PTPN12: variants seen among roughly 807,000 people sequenced by gnomAD.
PTPN12 encodes the protein tyrosine-protein phosphatase non-receptor type 12.
Under a neutral mutation model 97.6 loss-of-function variants are expected in PTPN12, and 29 were observed. The ratio of observed to expected loss-of-function variants is 0.30; its 90% CI spans 0.22 to 0.41. PTPN12 has a LOEUF of 0.41. PTPN12 is among the 10% of genes least tolerant of loss of function. The probability of loss-of-function intolerance (pLI) is 1.00; values close to 1 mark genes in which losing one functional copy is unlikely to be tolerated. For synonymous variants in PTPN12, 327 were observed against 300.4 expected (o/e 1.09, Z -0.91); for missense variants, 819 against 926.0 (o/e 0.88, Z 1.50).
At chr7:77,549,404 C>T (rs1807371279) in intron 1 of PTPN12, among the ~76,000 whole-genome samples, 1 of 152,136 alleles carries the variant, frequency 6.6e-6, no homozygotes, top group African/African-American at 2.4e-5. Flanking sequence ...TTCACATTTA[C>T]AGTTAGACAT....
intron 8 of PTPN12, among the ~76,000 whole-genome samples, chr7:77,603,298 C>T (rs1339407507): frequency 1.3e-5 from 2 of 152,150 alleles, no homozygotes; most frequent in Non-Finnish European, 2.9e-5. Context: ...GAAGGCTTTT[C>T]ATCAAAAACT....
chr7:77,625,563 C>CTTTTTTTTT (rs761274993), intron 12 of PTPN12, among the ~76,000 whole-genome samples: 4 of 27,784 alleles, frequency 1.4e-4, no homozygotes, highest in Admixed American at 6.3e-4. Flanking sequence ...CGCTCTCTCT[C>CTTTTTTTTT]TCTTTTTTTT....
chr7:77,554,502 G>C (rs768351562), intron 1 of PTPN12, among the ~76,000 whole-genome samples: 1 of 152,080 alleles, frequency 6.6e-6, no homozygotes, highest in East Asian at 1.9e-4. Flanking sequence ...CTGAATAAAC[G>C]TATCAGATCA....
intron 12 of PTPN12, among the ~76,000 whole-genome samples, chr7:77,622,008 G>T (rs1216544341): frequency 6.6e-6 from 1 of 152,150 alleles, no homozygotes; most frequent in Non-Finnish European, 1.5e-5. Flanking sequence ...TTTTGCGCAG[G>T]CTGGAGTGCA....
intron 12 of PTPN12, among the ~76,000 whole-genome samples, chr7:77,619,890 C>T (rs907571915): frequency 6.6e-6 from 1 of 152,148 alleles, no homozygotes; most frequent in Non-Finnish European, 1.5e-5. Context: ...GAGATGTTAA[C>T]TGTGTGCTAT....
At chr7:77,605,696 C>T (rs1433303964) in intron 8 of PTPN12, among the ~76,000 whole-genome samples, 1 of 151,834 alleles carries the variant, frequency 6.6e-6, no homozygotes, top group Non-Finnish European at 1.5e-5. Context: ...GTTGGGATTA[C>T]AGGCGTGAGC....
chr7:77,596,332 T>C (rs1788021649), intron 6 of PTPN12, among the ~76,000 whole-genome samples: 1 of 152,204 alleles, frequency 6.6e-6, no homozygotes. Context: ...TTTGTACATA[T>C]TGTTTGGGTC....
intron 8 of PTPN12, among the ~76,000 whole-genome samples, chr7:77,601,291 C>T (rs1386329405): frequency 2.6e-5 from 4 of 152,132 alleles, no homozygotes; most frequent in East Asian, 3.9e-4. Context: ...CCTGGCCTGA[C>T]GTGATCCTTC....
At chr7:77,590,618 T>C (rs1021923704) in intron 5 of PTPN12, among the ~76,000 whole-genome samples, 13 of 151,516 alleles carry the variant, frequency 8.6e-5, no homozygotes, top group African/African-American at 3.1e-4. Context: ...TTGAGTGCAG[T>C]GGCACAATCT....
At chr7:77,571,233 C>A in intron 2 of PTPN12, 47 bp downstream of exon 2, 2 of 1,121,486 alleles carry the variant, frequency 1.8e-6, no homozygotes, top group South Asian at 1.4e-5. Flanking sequence ...TGCTAATTAG[C>A]CTTTTGTAAC....
At chr7:77,566,379 A>G (rs1349449257) in intron 1 of PTPN12, among the ~76,000 whole-genome samples, 5 of 152,208 alleles carry the variant, frequency 3.3e-5, no homozygotes, top group South Asian at 2.1e-4. Context: ...TTAGAACAGT[A>G]ATAAAGGAGT....
intron 1 of PTPN12, among the ~76,000 whole-genome samples, chr7:77,569,916 T>A (rs753143200): frequency 1.3e-5 from 2 of 152,230 alleles, no homozygotes; most frequent in Non-Finnish European, 2.9e-5. Flanking sequence ...CTTGAACTCC[T>A]GGCTTCAAGC....
At chr7:77,538,757 C>T (rs966065797) in intron 1 of PTPN12, 1 of 150,846 alleles carries the variant, frequency 6.6e-6, no homozygotes, top group Non-Finnish European at 1.5e-5. Context: ...GGACAATGTT[C>T]CCTCTAGGGT....
chr7:77,571,962 C>G (rs935200575), intron 2 of PTPN12, among the ~76,000 whole-genome samples: 3 of 152,184 alleles, frequency 2.0e-5, no homozygotes, highest in Non-Finnish European at 4.4e-5. Flanking sequence ...GTCATACTTG[C>G]TATCTTTTAA....
chr7:77,637,945 ATTTTTTTTT>A (rs754842372), intron 16 of PTPN12, among the ~76,000 whole-genome samples: 1 of 66,786 alleles, frequency 1.5e-5, no homozygotes, highest in African/African-American at 6.0e-5. Context: ...ATTTCTTAAA[ATTTTTTTTT>A]TTTTTTTTTT....
At chr7:77,599,320 T>A (rs572325156) in intron 7 of PTPN12, among the ~76,000 whole-genome samples, 19 of 149,536 alleles carry the variant, frequency 1.3e-4, no homozygotes, top group Admixed American at 1.2e-3. Context: ...GCCCCGACTT[T>A]TTTTTTTTTT....
At chr7:77,582,371 A>C (rs1787550493) in intron 3 of PTPN12, among the ~76,000 whole-genome samples, 1 of 151,988 alleles carries the variant, frequency 6.6e-6, no homozygotes, top group Admixed American at 6.6e-5. Context: ...CTTTTTTTCC[A>C]TCAGCTAATC....
At chr7:77,586,982 C>T (rs1222528745) in intron 5 of PTPN12, among the ~76,000 whole-genome samples, 19 of 152,128 alleles carry the variant, frequency 1.2e-4, no homozygotes, top group Admixed American at 1.2e-3. Context: ...TTGTTGTTTC[C>T]ACCACATTTG....
intron 8 of PTPN12, among the ~76,000 whole-genome samples, chr7:77,605,240 A>T (rs555344051): frequency 2.5e-4 from 38 of 152,220 alleles, no homozygotes; most frequent in African/African-American, 8.4e-4. Context: ...ATAGGTATAC[A>T]TTTCAAAATA....
Sources: allele counts gnomAD v4.1 joint callset (sites outside exome capture counted in the v4.1 genomes callset), GRCh38; gene constraint gnomAD v4.1.1; transcripts MANE v1.5; gene names NCBI Gene and HGNC (gene_info 2026-07-23, HGNC 2026-07-21).